The following LRRC4C variants were observed in gnomAD, a reference collection of about 807,000 sequenced individuals.
LRRC4C encodes the protein leucine rich repeat containing 4C.
Under a neutral mutation model 33.6 loss-of-function variants are expected in LRRC4C, and 5 were observed. The ratio of observed to expected loss-of-function variants is 0.15; its 90% CI spans 0.08 to 0.31. The LOEUF is 0.31. Among genes scored for constraint, LRRC4C ranks in the 10% least tolerant of loss-of-function variants. The pLI is 1.00. For synonymous variants in LRRC4C, 329 were observed against 302.0 expected (o/e 1.09, Z -0.93); for missense variants, 560 against 796.7 (o/e 0.70, Z 3.58).
intron 1 of LRRC4C, among the ~76,000 whole-genome samples, chr11:41,192,861 A>G (rs1946020768): frequency 6.6e-6 from 1 of 152,160 alleles, no homozygotes; most frequent in Non-Finnish European, 1.5e-5. Flanking sequence ...CAAGAGAAGC[A>G]TCTTCTTCTG....
intron 1 of LRRC4C, among the ~76,000 whole-genome samples, chr11:40,969,980 C>G (rs1851611015): frequency 6.6e-6 from 1 of 152,056 alleles, no homozygotes; most frequent in Non-Finnish European, 1.5e-5. Context: ...CCTGTTCAAG[C>G]CTGGGCTTTA....
intron 1 of LRRC4C, among the ~76,000 whole-genome samples, chr11:41,433,901 C>T (rs1955333280): frequency 6.6e-6 from 1 of 151,788 alleles, no homozygotes; most frequent in South Asian, 2.1e-4. Flanking sequence ...AGTTATTGTT[C>T]TCTTTTTTAA....
At chr11:41,337,002 G>A (rs1455649311) in intron 1 of LRRC4C, among the ~76,000 whole-genome samples, 1 of 151,890 alleles carries the variant, frequency 6.6e-6, no homozygotes, top group African/African-American at 2.4e-5. Flanking sequence ...GAAGAGGAAT[G>A]TACACTACCA....
At chr11:40,266,968 C>T (rs1469883258) in intron 4 of LRRC4C, among the ~76,000 whole-genome samples, 3 of 135,350 alleles carry the variant, frequency 2.2e-5, no homozygotes, top group African/African-American at 8.1e-5. Context: ...CACCCACACA[C>T]ACACAGTCTT....
At chr11:40,634,413 T>TTA (rs1963770971) in intron 3 of LRRC4C, among the ~76,000 whole-genome samples, 2 of 152,294 alleles carry the variant, frequency 1.3e-5, no homozygotes, top group Admixed American at 6.5e-5. Context: ...GGTTTACGGA[T>TTA]TTCATTAAAT....
intron 2 of LRRC4C, among the ~76,000 whole-genome samples, chr11:40,669,917 T>G (rs1944002233): frequency 6.6e-6 from 1 of 152,236 alleles, no homozygotes; most frequent in Non-Finnish European, 1.5e-5. Flanking sequence ...ATAAAATCAC[T>G]GCTCATAAAA....
chr11:41,127,750 A>G (rs1376179466), intron 1 of LRRC4C, among the ~76,000 whole-genome samples: 1 of 151,928 alleles, frequency 6.6e-6, no homozygotes, highest in Non-Finnish European at 1.5e-5. Context: ...AAACATTGCT[A>G]TGTTGAGATA....
At chr11:41,242,652 G>A (rs1565511141) in intron 1 of LRRC4C, among the ~76,000 whole-genome samples, 1 of 152,048 alleles carries the variant, frequency 6.6e-6, no homozygotes, top group South Asian at 2.1e-4. Context: ...CTGTGTCTCT[G>A]TATCTATCTG....
intron 1 of LRRC4C, among the ~76,000 whole-genome samples, chr11:41,144,238 G>A (rs897955506): frequency 6.6e-6 from 1 of 152,166 alleles, no homozygotes; most frequent in African/African-American, 2.4e-5. Flanking sequence ...ATGTCTGCAG[G>A]CAAGGGTATA....
intron 3 of LRRC4C, among the ~76,000 whole-genome samples, chr11:40,366,322 C>A (rs116280760): frequency 0.012 from 1,892 of 152,012 alleles, 29 homozygotes; most frequent in African/African-American, 0.038. Context: ...AAGGTACCAG[C>A]CTTGGTGATC....
Position 41,327,180 on chromosome 11 carries a change from A to G in LRRC4C, c.-496+132251T>C, listed in dbSNP as rs1035741279. On this transcript the variant is annotated intron_variant, in intron 1 of 6. Coordinates refer to ENST00000528697, the MANE Select transcript of LRRC4C (RefSeq NM_001258419.2). ...AGGGAGAAGGCAGCCCACCTTTTTC[A>G]TGGTCTTGGTATCATAATTATTATT... Among the ~76,000 whole-genome samples the G allele has an allele frequency of 2.6e-5, 4 of 152,102 alleles. No individual in the cohort carries two copies. In the South Asian group the frequency reaches 6.2e-4, roughly 24 times the overall value.
intron 1 of LRRC4C, among the ~76,000 whole-genome samples, chr11:41,294,228 T>C (rs1950074441): frequency 6.6e-6 from 1 of 152,210 alleles, no homozygotes; most frequent in Admixed American, 6.5e-5. Context: ...GCCTAGGCTT[T>C]GGTCCAATGT....
intron 1 of LRRC4C, among the ~76,000 whole-genome samples, chr11:41,157,860 A>T (rs1944301380): frequency 6.6e-6 from 1 of 152,116 alleles, no homozygotes; most frequent in Admixed American, 6.6e-5. Context: ...ATGGAAAATG[A>T]GGTATCCATC....
At chr11:41,190,974 G>C (rs542801560) in intron 1 of LRRC4C, among the ~76,000 whole-genome samples, 13 of 152,274 alleles carry the variant, frequency 8.5e-5, no homozygotes, top group African/African-American at 3.1e-4. Flanking sequence ...GATGAAGTGT[G>C]ATAGCATCAG....
intron 1 of LRRC4C, among the ~76,000 whole-genome samples, chr11:40,939,111 G>A (rs953533706): frequency 1.3e-5 from 2 of 152,128 alleles, no homozygotes; most frequent in African/African-American, 4.8e-5. Context: ...AAAACTAGAC[G>A]GAAGAACATG....
At chr11:40,684,166 TA>T (rs1944841835) in intron 2 of LRRC4C, among the ~76,000 whole-genome samples, 1 of 150,552 alleles carries the variant, frequency 6.6e-6, no homozygotes, top group African/African-American at 2.4e-5. Context: ...ATTGAAGAAA[TA>T]AAAAAAAGCT....
At chr11:40,774,126 A>G (rs993400958) in intron 2 of LRRC4C, among the ~76,000 whole-genome samples, 4 of 152,074 alleles carry the variant, frequency 2.6e-5, no homozygotes, top group Non-Finnish European at 5.9e-5. Context: ...TTTTATGTCT[A>G]GTTTCACTTA....
At chr11:41,161,001 G>C (rs17515692) in intron 1 of LRRC4C, among the ~76,000 whole-genome samples, 2,990 of 152,266 alleles carry the variant, frequency 0.02, 37 homozygotes, top group South Asian at 0.041. Flanking sequence ...ATTTACTTTA[G>C]ACATGATGTT....
intron 1 of LRRC4C, among the ~76,000 whole-genome samples, chr11:41,025,683 C>G (rs1017641620): frequency 5.9e-5 from 9 of 151,768 alleles, no homozygotes; most frequent in African/African-American, 2.2e-4. Flanking sequence ...TCCAGAATAT[C>G]TGGCTAAGAT....
Sources: allele counts gnomAD v4.1 joint callset (sites outside exome capture counted in the v4.1 genomes callset), GRCh38; gene constraint gnomAD v4.1.1; transcripts MANE v1.5; gene names NCBI Gene and HGNC (gene_info 2026-07-23, HGNC 2026-07-21).